SPECC1: variants seen among roughly 807,000 people sequenced by gnomAD.
SPECC1 encodes sperm antigen with calponin homology and coiled-coil domains 1, also known as cytospin-B.
SPECC1 carries 62 observed loss-of-function variants against 104.1 expected under a neutral mutation model. That is an observed-to-expected ratio of 0.60 (90% CI 0.49 to 0.74). The LOEUF is 0.74. SPECC1 is among the 30% of genes least tolerant of loss of function. The pLI is 0.00. For synonymous variants in SPECC1, 513 were observed against 501.6 expected (o/e 1.02, Z -0.30); for missense variants, 1,306 against 1,310.5 (o/e 1.00, Z 0.05).
At chr17:20,188,254 TC>T (rs2035411274) in intron 3 of SPECC1, among the ~76,000 whole-genome samples, 1 of 76,362 alleles carries the variant, frequency 1.3e-5, no homozygotes, top group Non-Finnish European at 2.2e-5. Flanking sequence ...TCAAAAGACA[TC>T]CTTTTTTTTT....
intron 1 of SPECC1, among the ~76,000 whole-genome samples, chr17:20,049,062 C>CAT (rs1415698599): frequency 6.6e-6 from 1 of 152,098 alleles, no homozygotes; most frequent in Non-Finnish European, 1.5e-5. Context: ...GAAGCACAAC[C>CAT]ATATAGAACA....
At chr17:20,276,807 G>T (rs1022077045) in intron 12 of SPECC1, among the ~76,000 whole-genome samples, 3 of 152,246 alleles carry the variant, frequency 2.0e-5, no homozygotes, top group Non-Finnish European at 2.9e-5. Context: ...TACAGAGCCG[G>T]CTGCATTAGT....
rs1037176161 is a variant in SPECC1 at position 20,260,175 on chromosome 17, C to G, written c.2838-17C>G. On this transcript the variant is annotated splice_polypyrimidine_tract_variant and intron_variant, in intron 11 of 14. Transcript: ENST00000395527. ...ATTAGCATCTTCTCCTTACCATGTGCTCTTCTTTCTAACCAGTGTGGAAAG... is the reference window on the plus strand; with the variant it reads ...ATTAGCATCTTCTCCTTACCATGTGGTCTTCTTTCTAACCAGTGTGGAAAG... 4 of 1,599,206 alleles carry G rather than the reference C, an allele frequency of 2.5e-6. No homozygotes were observed. In the African/African-American group the frequency reaches 4.0e-5, roughly 16 times the overall value.
intron 3 of SPECC1, among the ~76,000 whole-genome samples, chr17:20,147,768 G>C (rs2031605601): frequency 6.6e-6 from 1 of 152,210 alleles, no homozygotes; most frequent in South Asian, 2.1e-4. Context: ...AGGGTGCAAT[G>C]GCTCATGCTA....
At chr17:20,054,723 A>G (rs971849954) in intron 1 of SPECC1, among the ~76,000 whole-genome samples, 11 of 151,782 alleles carry the variant, frequency 7.2e-5, no homozygotes, top group Non-Finnish European at 1.5e-4. Context: ...GCTGGAGTAC[A>G]GTGGTGCAAT....
chr17:20,238,989 A>C, intron 7 of SPECC1: 2 of 1,037,182 alleles, frequency 1.9e-6, no homozygotes, highest in Non-Finnish European at 2.3e-6. Flanking sequence ...CAGAACTTCA[A>C]AGTCACATCA....
chr17:20,063,704 A>G (rs942122203), intron 1 of SPECC1, among the ~76,000 whole-genome samples: 3 of 152,218 alleles, frequency 2.0e-5, no homozygotes, highest in African/African-American at 7.2e-5. Context: ...TCACAAACAC[A>G]GGCAGTTCAG....
intron 14 of SPECC1, among the ~76,000 whole-genome samples, chr17:20,309,085 A>G (rs1456148664): frequency 6.6e-6 from 1 of 152,228 alleles, no homozygotes; most frequent in East Asian, 1.9e-4. Context: ...AGCTGCTGAC[A>G]CACATGATAA....
In SPECC1 at chr17:20,205,728, G is replaced by A; in HGVS notation, c.1679G>A (p.Gly560Asp). The A allele has an allele frequency of 6.2e-7, 1 of 1,614,238 alleles. No individual in the cohort carries two copies. The highest frequency in any genetic ancestry group is 8.5e-7 in the Non-Finnish European group (1 of 1,180,036). ...ENGSLKSHLQ[G>D]EKQKATEASA... Reference sequence around the variant, plus strand: ...GGATCTTTGAAGTCTCATTTGCAGGGTGAGAAGCAGAAAGCCACAGAGGCC... The same window carrying A: ...GGATCTTTGAAGTCTCATTTGCAGGATGAGAAGCAGAAAGCCACAGAGGCC... The change falls in exon 4 of 15, where the codon GGT becomes GAT. Residue 560 changes from glycine (G) to aspartate (D), a missense_variant. Around this residue, in one of 2 missense-constraint regions of SPECC1, gnomAD observed 1,177 missense variants for 1,139.9 expected, o/e 1.03. Coordinates refer to ENST00000395527, the MANE Select transcript of SPECC1 (RefSeq NM_001243439.2).
intron 4 of SPECC1, 117 bp from the exon 5 acceptor site, chr17:20,227,296 G>A (rs757134820): frequency 1.3e-4 from 105 of 812,750 alleles, no homozygotes; most frequent in Non-Finnish European, 1.9e-4. Context: ...AGAGGTTCAT[G>A]TTCAGGTTTG....
intron 3 of SPECC1, among the ~76,000 whole-genome samples, chr17:20,195,302 C>T (rs1161908385): frequency 6.6e-6 from 1 of 152,134 alleles, no homozygotes; most frequent in South Asian, 2.1e-4. Context: ...ATTAAAGCCA[C>T]ATTTGATAAG....
In SPECC1 at chr17:20,227,562, G is replaced by C. The variant is rs758089163; in HGVS notation, c.2013G>C (p.Gln671His). The change falls in exon 5 of 15, where the codon CAG becomes CAC. Residue 671 changes from glutamine to histidine, a missense_variant. By Grantham distance (24) the Gln-to-His change is conservative (BLOSUM62 0). Transcript: ENST00000395527. ...AAACCATATTTGAATTGGAAGATCA[G>C]GTGGAACAGCACCGGGCTGTCAAGT... ...MKETIFELED[Q>H]VEQHRAVKLH... is the part of the protein sequence containing the mutation. The C allele has an allele frequency of 6.2e-7, 1 of 1,612,640 alleles. No individual in the cohort carries two copies. The highest frequency in any genetic ancestry group is 8.5e-7 in the Non-Finnish European group (1 of 1,179,682).
At chr17:20,253,119 T>A (rs970372365) in intron 9 of SPECC1, among the ~76,000 whole-genome samples, 1 of 152,060 alleles carries the variant, frequency 6.6e-6, no homozygotes, top group Non-Finnish European at 1.5e-5. Flanking sequence ...ATTTCCCTGA[T>A]GATTAGTGAT....
At chr17:20,119,277 C>G (rs1168145546) in intron 3 of SPECC1, among the ~76,000 whole-genome samples, 5 of 152,164 alleles carry the variant, frequency 3.3e-5, no homozygotes, top group African/African-American at 1.2e-4. Context: ...GAGTTTCGCT[C>G]TTGTTGCCCA....
intron 2 of SPECC1, among the ~76,000 whole-genome samples, chr17:20,101,879 G>T (rs1465559350): frequency 6.6e-6 from 1 of 152,198 alleles, no homozygotes; most frequent in African/African-American, 2.4e-5. Context: ...ATTATGTTAT[G>T]TCTGATGATT....
At chr17:20,255,025 A>C (rs574916582) in intron 10 of SPECC1, among the ~76,000 whole-genome samples, 1 of 152,328 alleles carries the variant, frequency 6.6e-6, no homozygotes, top group East Asian at 1.9e-4. Flanking sequence ...TATAAAGGCT[A>C]CAGCGATTTT....
chr17:20,103,707 C>T lies in SPECC1; in HGVS notation c.148-6720C>T, dbSNP rs528663248. Among the ~76,000 whole-genome samples, 45 of 152,250 alleles carry T rather than the reference C, an allele frequency of 3.0e-4. 1 individual carries two copies. The South Asian group carries it at 6.2e-3, about 21-fold the overall frequency. On this transcript the variant is annotated intron_variant, in intron 2 of 14. Transcript: ENST00000395527. ...TGCAGTCTCCCTAGGAGCATGGCAT[C>T]CCAGGAGGAGTGCCCCCCTCTCTCC...
intron 3 of SPECC1, among the ~76,000 whole-genome samples, chr17:20,161,778 T>C (rs1457877278): frequency 6.6e-6 from 1 of 151,466 alleles, no homozygotes. Context: ...TACTCAGTTC[T>C]GTCACTTCTT....
intron 1 of SPECC1, among the ~76,000 whole-genome samples, chr17:20,063,955 C>G (rs1281468246): frequency 6.6e-6 from 1 of 152,148 alleles, no homozygotes; most frequent in African/African-American, 2.4e-5. Context: ...GCCAAATGGC[C>G]TCAGGGCAGT....
Sources: gnomAD v4.1 joint callset for allele counts (sites outside exome capture counted in the v4.1 genomes callset) on GRCh38, gnomAD v4.1.1 for gene constraint, gnomAD v4.1.1 regional missense constraint, MANE v1.5 for transcripts, NCBI Gene and HGNC (gene_info 2026-07-23, HGNC 2026-07-21) for gene names.